KIRREL1: variants seen among roughly 807,000 people sequenced by gnomAD.
The protein encoded by KIRREL1 is kin of IRRE-like protein 1.
Under a neutral mutation model 83.3 loss-of-function variants are expected in KIRREL1, and 25 were observed. That is an observed-to-expected ratio of 0.30 (90% CI 0.22 to 0.42). The LOEUF is 0.42. Ranked by LOEUF, KIRREL1 falls within the 10% of genes least tolerant of loss-of-function variation. The pLI is 1.00. For missense variants in KIRREL1, 812 were observed against 1,032.3 expected, an observed-to-expected ratio of 0.79 and a Z score of 2.92; for synonymous variants, 388 against 410.4, an observed-to-expected ratio of 0.95 and a Z score of 0.66.
intron 1 of KIRREL1, among the ~76,000 whole-genome samples, chr1:157,994,776 C>G (rs1475519688): frequency 3.3e-5 from 5 of 152,092 alleles, no homozygotes; most frequent in African/African-American, 1.2e-4. Flanking sequence ...GACTACTCAC[C>G]TACTGAGAGA....
chr1:158,045,265 G>C (rs1441728339), intron 1 of KIRREL1, among the ~76,000 whole-genome samples: 4 of 152,204 alleles, frequency 2.6e-5, no homozygotes, highest in African/African-American at 9.7e-5. Context: ...CCATTACCAT[G>C]AGTTCTAGGG....
chr1:158,029,366 T>TGTGTGTGTGTGTGTGTGTGTGCGCGC (rs1553238087), intron 1 of KIRREL1, among the ~76,000 whole-genome samples: 2 of 148,930 alleles, frequency 1.3e-5, no homozygotes, highest in African/African-American at 5.0e-5. Flanking sequence ...TGTGTGTGTG[T>TGTGTGTGTGTGTGTGTGTGTGCGCGC]GCACGTGCGC....
chr1:157,999,736 G>C (rs926641995), intron 1 of KIRREL1, among the ~76,000 whole-genome samples: 27 of 151,890 alleles, frequency 1.8e-4, no homozygotes, highest in African/African-American at 6.5e-4. Flanking sequence ...GGGGTGTGGG[G>C]GTGGGTTGTC....
In KIRREL1 at chr1:158,025,624, G is replaced by A. The variant is rs181981366; in HGVS notation, c.52+31896G>A. The A allele has an allele frequency of 2.9e-3, 443 of 152,762 alleles. 2 individuals carry two copies. The highest frequency in any genetic ancestry group is 0.011 in the African/African-American group (434 of 41,224). 9.5% of individuals were successfully genotyped at this position (152,762 alleles called of 1,614,324 possible). On this transcript the variant is annotated intron_variant, in intron 1 of 14. Coordinates refer to ENST00000359209, the MANE Select transcript of KIRREL1 (RefSeq NM_018240.7). ...GGAGAGAAGATAAACAGAGCAAGAC[G>A]AGGCCAGGCGGGAAGAGATGCAGCC...
chr1:158,014,112 G>T (rs1659759518), intron 1 of KIRREL1, among the ~76,000 whole-genome samples: 1 of 152,002 alleles, frequency 6.6e-6, no homozygotes, highest in African/African-American at 2.4e-5. Flanking sequence ...ATGAGAGAAT[G>T]AGGTGATGAT....
At position 158,094,479 on chromosome 1, in the gene KIRREL1, A is replaced by G. The variant is rs1662298308; in HGVS notation, c.1797+89A>G. On this transcript the variant is annotated intron_variant, in intron 14 of 14. Coordinates refer to ENST00000359209, the MANE Select transcript of KIRREL1 (RefSeq NM_018240.7). This position sits in a 1 kb window ranked among gnomAD's most constrained non-coding sequence, Gnocchi z 4.6. ...TAGCGGGGAGGTGAGGTGAGGACAG[A>G]CTTGGGGAGGAGTGGTTGGGAGGGT... is the stretch of plus-strand genomic sequence containing the variant. 12 of 1,395,976 alleles carry G rather than the reference A, an allele frequency of 8.6e-6. No homozygotes were observed. In the South Asian group the frequency reaches 1.4e-4, roughly 16 times the overall value. 86.5% of individuals were successfully genotyped at this position (1,395,976 alleles called of 1,614,324 possible).
At chr1:158,062,091 T>C (rs892424987) in intron 1 of KIRREL1, among the ~76,000 whole-genome samples, 1 of 152,144 alleles carries the variant, frequency 6.6e-6, no homozygotes, top group African/African-American at 2.4e-5. Flanking sequence ...AGACTTGCAA[T>C]TGGTCACTAA....
intron 1 of KIRREL1, among the ~76,000 whole-genome samples, chr1:158,009,369 C>T (rs1659607269): frequency 2.0e-5 from 3 of 152,204 alleles, no homozygotes; most frequent in Admixed American, 6.5e-5. Context: ...GTCTCAATTT[C>T]TTCATTGGTA....
At position 158,093,873 on chromosome 1, in the gene KIRREL1, C is replaced by T. The variant is rs548876741; in HGVS notation, c.1719+111C>T. 27 of 1,128,286 alleles carry T rather than the reference C, an allele frequency of 2.4e-5. 1 individual carries two copies. In the East Asian group the frequency reaches 6.9e-4, roughly 29 times the overall value. 69.9% of individuals were successfully genotyped at this position (1,128,286 alleles called of 1,614,324 possible). A position where few individuals can be genotyped will look rare whatever the true frequency, so the allele number is the denominator to read the frequency against. On this transcript the variant is annotated intron_variant, in intron 13 of 14. Transcript: ENST00000359209. ...TTCTCTCCTTCCTCAGTCGGTCTTCCCTGGTCCTGCCACACACACTCTCCC... is the reference window on the plus strand; with the variant it reads ...TTCTCTCCTTCCTCAGTCGGTCTTCTCTGGTCCTGCCACACACACTCTCCC...
intron 1 of KIRREL1, among the ~76,000 whole-genome samples, chr1:158,048,736 G>A (rs971273663): frequency 1.3e-5 from 2 of 152,222 alleles, no homozygotes; most frequent in African/African-American, 4.8e-5. Flanking sequence ...TTGAGCACCT[G>A]TTACAGTAAA....
chr1:158,044,564 A>C (rs1660723256), intron 1 of KIRREL1, among the ~76,000 whole-genome samples: 1 of 152,102 alleles, frequency 6.6e-6, no homozygotes, highest in Admixed American at 6.6e-5. Context: ...AGTGGCACGA[A>C]CTCGGCTTAC....
At chr1:158,026,288 G>A (rs577715162) in intron 1 of KIRREL1, among the ~76,000 whole-genome samples, 2 of 152,244 alleles carry the variant, frequency 1.3e-5, no homozygotes, top group South Asian at 2.1e-4. Flanking sequence ...GCCTCTGGCC[G>A]GTGTGGCTTC....
chr1:158,058,778 G>A (rs1181597447), intron 1 of KIRREL1, among the ~76,000 whole-genome samples: 2 of 152,156 alleles, frequency 1.3e-5, no homozygotes, highest in African/African-American at 4.8e-5. Flanking sequence ...TCATCCCCTG[G>A]GGAGAGAGTG....
At position 158,094,178 on chromosome 1, in the gene KIRREL1, G is replaced by A. The variant is rs1048964646; in HGVS notation, c.1720-135G>A. On this transcript the variant is annotated intron_variant, in intron 13 of 14. Coordinates refer to ENST00000359209, the MANE Select transcript of KIRREL1 (RefSeq NM_018240.7). This position sits in a 1 kb window ranked among gnomAD's most constrained non-coding sequence, Gnocchi z 4.6. ...CACATCCCAGAGCCTCTGCTGAGAG[G>A]ACCAGAACTCAAGTCTGCCCTTGAC... The A allele has an allele frequency of 4.0e-6, 3 of 744,176 alleles. No individual in the cohort carries two copies. Among genetic ancestry groups the A allele is most frequent in the Non-Finnish European group, 7.1e-6 (3 of 420,576 alleles). The allele number at this position is 744,176 out of a possible 1,614,324, so 46.1% of individuals were successfully genotyped here. A position where few individuals can be genotyped will look rare whatever the true frequency, so the allele number is the denominator to read the frequency against.
At chr1:158,062,619 G>T (rs1258557924) in intron 1 of KIRREL1, among the ~76,000 whole-genome samples, 1 of 152,260 alleles carries the variant, frequency 6.6e-6, no homozygotes, top group Non-Finnish European at 1.5e-5. Context: ...TTTGGTGGCT[G>T]TATACCAACA....
chr1:158,071,578 G>C (rs559573765), intron 1 of KIRREL1, among the ~76,000 whole-genome samples: 2 of 152,314 alleles, frequency 1.3e-5, no homozygotes, highest in African/African-American at 4.8e-5. Flanking sequence ...ACCCAGCAAT[G>C]GTCTGTTTTC....
At chr1:158,000,150 A>G (rs1395863968) in intron 1 of KIRREL1, among the ~76,000 whole-genome samples, 3 of 152,144 alleles carry the variant, frequency 2.0e-5, no homozygotes, top group African/African-American at 4.8e-5. Context: ...TGTGGATGCA[A>G]TCTCACTGCA....
At chr1:158,012,106 T>A (rs1441826230) in intron 1 of KIRREL1, among the ~76,000 whole-genome samples, 2 of 152,128 alleles carry the variant, frequency 1.3e-5, no homozygotes, top group Non-Finnish European at 2.9e-5. Context: ...CCCAATAAGA[T>A]TAAAAAATGT....
At chr1:158,075,876 T>C (rs1009503498) in intron 1 of KIRREL1, among the ~76,000 whole-genome samples, 1 of 152,202 alleles carries the variant, frequency 6.6e-6, no homozygotes, top group Admixed American at 6.5e-5. Context: ...TTTTCTGTGA[T>C]TGCTGAGCAC....
Sources: gnomAD v4.1 joint callset for allele counts (sites outside exome capture counted in the v4.1 genomes callset) on GRCh38, gnomAD v4.1.1 for gene constraint, Gnocchi (gnomAD v3.1) non-coding constraint, MANE v1.5 for transcripts, NCBI Gene and HGNC (gene_info 2026-07-23, HGNC 2026-07-21) for gene names.